RNF13: variants seen among roughly 807,000 people sequenced by gnomAD.
RNF13 encodes the protein ring finger protein 13, also known as E3 ubiquitin-protein ligase RNF13.
In RNF13, 19 loss-of-function variants were observed where a neutral mutation model predicts 37.7. The ratio of observed to expected loss-of-function variants is 0.50; its 90% CI spans 0.35 to 0.74. The LOEUF is 0.74. Among genes scored for constraint, RNF13 ranks in the 30% least tolerant of loss-of-function variants. The pLI is 0.01. For synonymous variants in RNF13, 144 were observed against 157.8 expected (o/e 0.91, Z 0.65); for missense variants, 375 against 453.0 (o/e 0.83, Z 1.56).
At chr3:149,824,077 G>T (rs1209766424) in intron 1 of RNF13, among the ~76,000 whole-genome samples, 4 of 152,160 alleles carry the variant, frequency 2.6e-5, no homozygotes, top group Non-Finnish European at 5.9e-5. Context: ...ACAAAAGCTA[G>T]CTTGAATAAG....
intron 3 of RNF13, among the ~76,000 whole-genome samples, chr3:149,868,833 T>A (rs1278828762): frequency 6.6e-6 from 1 of 151,826 alleles, no homozygotes; most frequent in African/African-American, 2.4e-5. Context: ...GTAGTCTTAT[T>A]TGGGTCAAAT....
intron 4 of RNF13, among the ~76,000 whole-genome samples, chr3:149,879,708 T>C (rs1420660263): frequency 6.6e-6 from 1 of 152,208 alleles, no homozygotes; most frequent in African/African-American, 2.4e-5. Context: ...AATTTTACAT[T>C]GATTTCAAAT....
In RNF13 at chr3:149,915,955, C is replaced by T. The variant is rs183246550; in HGVS notation, c.606+3872C>T. Among the ~76,000 whole-genome samples, 7 of 152,158 alleles carry T rather than the reference C, an allele frequency of 4.6e-5. No individual in the cohort carries two copies. In the East Asian group the frequency reaches 1.4e-3, roughly 29 times the overall value. On this transcript the variant is annotated intron_variant, in intron 7 of 9. Transcript: ENST00000392894. ...AACAGTATGAATGTACTTAAGCCAT[C>T]GAACTGTACACTTAAACGTGGTTGA...
At chr3:149,813,416 AC>A (rs1171516859) in intron 1 of RNF13, 63 bp downstream of exon 1, 2 of 152,228 alleles carry the variant, frequency 1.3e-5, no homozygotes, top group East Asian at 1.9e-4. Context: ...CAGAGAACAT[AC>A]CCCGCTTGTT....
intron 1 of RNF13, among the ~76,000 whole-genome samples, chr3:149,817,859 C>T (rs1447813879): frequency 6.6e-6 from 1 of 152,070 alleles, no homozygotes; most frequent in African/African-American, 2.4e-5. Context: ...ACAGAGATCC[C>T]AGAACCTATT....
intron 8 of RNF13, among the ~76,000 whole-genome samples, chr3:149,950,586 T>C (rs1721225450): frequency 2.0e-5 from 3 of 152,044 alleles, no homozygotes; most frequent in Non-Finnish European, 4.4e-5. Flanking sequence ...GCCATCCTCC[T>C]GCCTCAGCCT....
At chr3:149,845,599 T>C (rs1464846085) in intron 1 of RNF13, among the ~76,000 whole-genome samples, 2 of 152,242 alleles carry the variant, frequency 1.3e-5, no homozygotes, top group East Asian at 1.9e-4. Context: ...TGAATTTATA[T>C]TGAACCAGAA....
chr3:149,902,135 T>C lies in RNF13; in HGVS notation c.473T>C (p.Leu158Pro). 6.6e-7 allele frequency: 1 copy of C among 1,526,656 alleles called. No individual in the cohort carries two copies. The highest frequency in any genetic ancestry group is 8.8e-7 in the Non-Finnish European group (1 of 1,132,588). The allele number at this position is 1,526,656 out of a possible 1,614,324, so 94.6% of individuals were successfully genotyped here. Residue 158 changes from leucine to proline, a missense_variant, in exon 6 of 10, where the codon CTG (leucine) becomes CCG (proline). Physicochemically the swap from Leu to Pro is moderately conservative, Grantham distance 98 (BLOSUM62 -3). Transcript: ENST00000392894. ...VFIGESSANS[L>P]KDEFTYEKGG... is the part of the protein sequence containing the mutation. The stretch of plus-strand genomic sequence containing the variant: ...ATTGGTGAATCATCAGCTAATTCTC[T>C]GAAAGATGAATTCACATATGAAAAA...
At chr3:149,827,284 G>A (rs957480783) in intron 1 of RNF13, among the ~76,000 whole-genome samples, 8 of 152,260 alleles carry the variant, frequency 5.3e-5, no homozygotes, top group Admixed American at 3.3e-4. Context: ...AAGGAGGTGC[G>A]TAGGTTATAT....
chr3:149,886,638 C>G (rs191445352), intron 4 of RNF13, among the ~76,000 whole-genome samples: 3 of 152,244 alleles, frequency 2.0e-5, no homozygotes, highest in Admixed American at 2.0e-4. Flanking sequence ...CTGTACAATA[C>G]TAAATAGAAG....
intron 7 of RNF13, among the ~76,000 whole-genome samples, chr3:149,920,676 A>G (rs1317220710): frequency 6.6e-6 from 1 of 151,738 alleles, no homozygotes; most frequent in East Asian, 1.9e-4. Flanking sequence ...ATTTCTGAAT[A>G]TTTGTAGTGA....
chr3:149,895,164 G>C (rs2108490564), intron 4 of RNF13: 1 of 213,494 alleles, frequency 4.7e-6, no homozygotes, highest in South Asian at 1.7e-4. Flanking sequence ...CATATGACAA[G>C]AATATTGTCA....
chr3:149,949,283 T>G (rs1367236030), intron 8 of RNF13, among the ~76,000 whole-genome samples: 1 of 152,170 alleles, frequency 6.6e-6, no homozygotes. Flanking sequence ...TGTTTTTGTT[T>G]GTTTTGAAAG....
chr3:149,827,339 A>G (rs1425239261), intron 1 of RNF13, among the ~76,000 whole-genome samples: 3 of 152,190 alleles, frequency 2.0e-5, no homozygotes, highest in African/African-American at 7.2e-5. Context: ...CCATCCATAG[A>G]TTTTAGTATG....
At chr3:149,939,773 T>G in intron 8 of RNF13, 1 of 599,516 alleles carries the variant, frequency 1.7e-6, no homozygotes, top group East Asian at 4.0e-5. Context: ...AGAGGGCTCA[T>G]GTCCATGTCC....
intron 3 of RNF13, among the ~76,000 whole-genome samples, chr3:149,856,481 T>C (rs1723662739): frequency 6.6e-6 from 1 of 151,222 alleles, no homozygotes; most frequent in Non-Finnish European, 1.5e-5. Flanking sequence ...TCTCGCCCTA[T>C]TGCCCAGCCT....
chr3:149,921,338 C>T (rs540904294), intron 8 of RNF13, 111 bp downstream of exon 8: 2 of 284,324 alleles, frequency 7.0e-6, no homozygotes, highest in African/African-American at 4.5e-5. Flanking sequence ...TTCTAGGGTA[C>T]ATGTGCACAA....
chr3:149,862,723 T>G (rs1360761919), intron 3 of RNF13, among the ~76,000 whole-genome samples: 1 of 152,190 alleles, frequency 6.6e-6, no homozygotes, highest in Non-Finnish European at 1.5e-5. Context: ...GAACATCTTT[T>G]AAATATGTCT....
intron 8 of RNF13, among the ~76,000 whole-genome samples, chr3:149,922,259 A>G (rs1345007311): frequency 6.6e-6 from 1 of 152,192 alleles, no homozygotes; most frequent in Non-Finnish European, 1.5e-5. Context: ...GGTGTGAGCC[A>G]CTGTGCCTGG....
Sources: gnomAD v4.1 joint callset for allele counts (sites outside exome capture counted in the v4.1 genomes callset) on GRCh38, gnomAD v4.1.1 for gene constraint, MANE v1.5 for transcripts, NCBI Gene and HGNC (gene_info 2026-07-23, HGNC 2026-07-21) for gene names.